The following RGL1 variants were observed in gnomAD, a reference collection of about 807,000 sequenced individuals.
RGL1 encodes ral guanine nucleotide dissociation stimulator-like 1.
RGL1 carries 24 observed loss-of-function variants against 95.2 expected under a neutral mutation model. That is an observed-to-expected ratio of 0.25 (90% CI 0.18 to 0.35). RGL1 has a LOEUF of 0.35. RGL1 is among the 10% of genes least tolerant of loss of function. RGL1 has a pLI of 1.00. For missense variants in RGL1, 715 were observed against 936.3 expected, an observed-to-expected ratio of 0.76 and a Z score of 3.08; for synonymous variants, 329 against 344.9, an observed-to-expected ratio of 0.95 and a Z score of 0.51.
intron 1 of RGL1, among the ~76,000 whole-genome samples, chr1:183,662,013 T>C (rs376812129): frequency 1.7e-3 from 243 of 142,348 alleles, no homozygotes; most frequent in African/African-American, 4.5e-3. Flanking sequence ...TTCAACAACC[T>C]TTCATGCTAA....
rs577353828 is a variant in RGL1 at position 183,758,502 on chromosome 1, T to C, written c.132+16213T>C. ...ATGAGCCACCGTGCCCAGCCAACAA[T>C]AGAAATTTCTCTCTCACAGCTCTGG... On this transcript the variant is annotated intron_variant, in intron 2 of 18. Coordinates refer to the RGL1 transcript ENST00000304685. 2.0e-5 allele frequency among the ~76,000 whole-genome samples: 3 copies of C among 152,158 alleles called. No homozygotes were observed. The East Asian group carries it at 5.8e-4, about 29-fold the overall frequency.
chr1:183,826,756 G>C (rs1300790563), intron 2 of RGL1, among the ~76,000 whole-genome samples: 1 of 152,114 alleles, frequency 6.6e-6, no homozygotes, highest in Non-Finnish European at 1.5e-5. Flanking sequence ...TGCTTTTGAA[G>C]GCAGAAAAAT....
At chr1:183,763,640 A>G in intron 2 of RGL1, among the ~76,000 whole-genome samples, 1 of 152,252 alleles carries the variant, frequency 6.6e-6, no homozygotes, top group Non-Finnish European at 1.5e-5. Context: ...CTCCAGAGAC[A>G]GACTGGCCAT....
At position 183,656,113 on chromosome 1, in the gene RGL1, C is replaced by CTTTT. The variant is rs60220835; in HGVS notation, c.-33+19619_-33+19622dup. Among the ~76,000 whole-genome samples, 66 of 145,022 alleles carry CTTTT rather than the reference C, an allele frequency of 4.6e-4. 2 individuals are homozygous for CTTTT. Among genetic ancestry groups the CTTTT allele is most frequent in the African/African-American group, 1.5e-3 (61 of 39,364 alleles). ...GACCAAGTTTTTTTTCTTTTCTTTT[C>CTTTT]TTTTTTTTTTCTCATGAAAACAGGA... On this transcript the variant is annotated intron_variant, in intron 1 of 18. Coordinates refer to the RGL1 transcript ENST00000304685.
chr1:183,916,455 G>C lies in RGL1; in HGVS notation c.1758G>C (p.Glu586Asp). 1 of 1,613,992 alleles carries C rather than the reference G, an allele frequency of 6.2e-7. No individual in the cohort carries two copies. Residue 586 changes from glutamate to aspartate, a missense_variant, in exon 16 of 18, where the codon GAG (glutamate) becomes GAC (aspartate). This residue lies in a region of RGL1 where 330 missense variants were observed against 429.6 expected (regional missense o/e 0.77). Transcript: ENST00000360851. ...TGTGTTTACTCTTCCAGCTCTCTGA[G>C]TCCTCCTCATCCTGTTCTTCTATCC... ...TPDEPQKKLS[E>D]SSSSCSSIHS...
At chr1:183,763,045 G>A (rs1211954513) in intron 2 of RGL1, among the ~76,000 whole-genome samples, 1 of 152,176 alleles carries the variant, frequency 6.6e-6, no homozygotes, top group Non-Finnish European at 1.5e-5. Flanking sequence ...ATATACCATG[G>A]AATACTATGC....
At position 183,805,677 on chromosome 1, in the gene RGL1, G is replaced by C. The variant is rs568627384; in HGVS notation, c.27+353G>C. Reference sequence around the variant, plus strand: ...GTTTAGCTGGGGACATGGAAATCCAGGGGGTCGCTGCACAGATTTTAGTAG... The same window carrying C: ...GTTTAGCTGGGGACATGGAAATCCACGGGGTCGCTGCACAGATTTTAGTAG... On this transcript the variant is annotated intron_variant, in intron 1 of 17. Transcript: ENST00000360851. 6.2e-4 allele frequency among the ~76,000 whole-genome samples: 95 copies of C among 152,340 alleles called. 1 individual carries two copies. The South Asian group carries it at 0.019, about 31-fold the overall frequency.
At chr1:183,676,934 A>G (rs1348588248) in intron 1 of RGL1, among the ~76,000 whole-genome samples, 1 of 151,642 alleles carries the variant, frequency 6.6e-6, no homozygotes, top group Non-Finnish European at 1.5e-5. Flanking sequence ...TGTAAAGGAC[A>G]GAAAAGGGCA....
chr1:183,891,733 G>GTTTTTTTT (rs57974956), intron 8 of RGL1, among the ~76,000 whole-genome samples: 5 of 123,946 alleles, frequency 4.0e-5, no homozygotes, highest in Non-Finnish European at 3.4e-5. Flanking sequence ...GTGTGTAACA[G>GTTTTTTTT]TTTTTTTTTT....
chr1:183,685,529 A>G (rs1653522563), intron 1 of RGL1, among the ~76,000 whole-genome samples: 1 of 152,244 alleles, frequency 6.6e-6, no homozygotes, highest in Non-Finnish European at 1.5e-5. Flanking sequence ...ACATACAATT[A>G]CATTAAATGT....
intron 2 of RGL1, among the ~76,000 whole-genome samples, chr1:183,747,215 C>T (rs1253295950): frequency 6.6e-6 from 1 of 152,140 alleles, no homozygotes; most frequent in Non-Finnish European, 1.5e-5. Flanking sequence ...GTTCTAGATC[C>T]TTGAGGAATC....
chr1:183,758,747 T>A (rs1398251898), intron 2 of RGL1, among the ~76,000 whole-genome samples: 2 of 152,110 alleles, frequency 1.3e-5, no homozygotes, highest in East Asian at 3.9e-4. Context: ...ATCATCACAC[T>A]GAGGGGGTTC....
intron 1 of RGL1, among the ~76,000 whole-genome samples, chr1:183,698,580 T>TG (rs1259713051): frequency 2.6e-5 from 4 of 152,252 alleles, no homozygotes; most frequent in African/African-American, 9.6e-5. Flanking sequence ...AAAAATACTT[T>TG]GATACAAAAA....
intron 1 of RGL1, among the ~76,000 whole-genome samples, chr1:183,668,275 G>A (rs1224729036): frequency 6.6e-6 from 1 of 152,088 alleles, no homozygotes; most frequent in African/African-American, 2.4e-5. Flanking sequence ...CCTGTCTGAG[G>A]AAGTATTTCT....
chr1:183,866,105 C>G (rs778243408), intron 4 of RGL1, 32 bp downstream of exon 4: 15 of 1,511,100 alleles, frequency 9.9e-6, no homozygotes, highest in Non-Finnish European at 1.1e-5. Flanking sequence ...ATTCTAAGCT[C>G]TCAGTCAAGA....
At chr1:183,743,112 AG>A (rs1657413606) in intron 2 of RGL1, among the ~76,000 whole-genome samples, 2 of 152,170 alleles carry the variant, frequency 1.3e-5, no homozygotes, top group South Asian at 4.1e-4. Context: ...CCTGGGCTCA[AG>A]TGATCCTCCT....
chr1:183,687,750 C>T (rs1653690702), intron 1 of RGL1, among the ~76,000 whole-genome samples: 1 of 152,206 alleles, frequency 6.6e-6, no homozygotes, highest in Non-Finnish European at 1.5e-5. Context: ...GACTGCCCTT[C>T]TTCCACTAAG....
intron 2 of RGL1, among the ~76,000 whole-genome samples, chr1:183,747,647 C>T (rs1434034182): frequency 6.6e-6 from 1 of 152,168 alleles, no homozygotes; most frequent in Non-Finnish European, 1.5e-5. Flanking sequence ...TATTGATTTG[C>T]ATATGTTGAA....
chr1:183,879,331 G>C (rs1666691993), intron 4 of RGL1, among the ~76,000 whole-genome samples: 1 of 152,116 alleles, frequency 6.6e-6, no homozygotes, highest in Non-Finnish European at 1.5e-5. Flanking sequence ...CCAGCTTCTT[G>C]GTGTGAAATC....
Sources: allele counts gnomAD v4.1 joint callset (sites outside exome capture counted in the v4.1 genomes callset), GRCh38; gene constraint gnomAD v4.1.1; regional missense constraint gnomAD v4.1.1; transcripts MANE v1.5; gene names NCBI Gene and HGNC (gene_info 2026-07-23, HGNC 2026-07-21).